MINDY2: variants seen among roughly 807,000 people sequenced by gnomAD.
MINDY2 encodes the protein MINDY lysine 48 deubiquitinase 2, also known as ubiquitin carboxyl-terminal hydrolase MINDY-2.
In MINDY2, 52 loss-of-function variants were observed where a neutral mutation model predicts 68.2. The observed-to-expected ratio is 0.76, with a 90% CI of 0.61 to 0.96. The LOEUF (loss-of-function observed/expected upper bound fraction) is 0.96. Among genes scored for constraint, MINDY2 ranks in the 40% least tolerant of loss-of-function variants. MINDY2 has a pLI of 0.00. For missense variants in MINDY2, 881 were observed against 773.4 expected (o/e 1.14, Z -1.65); for synonymous variants, 372 against 303.0 (o/e 1.23, Z -2.36).
intron 2 of MINDY2, among the ~76,000 whole-genome samples, chr15:58,793,588 C>A (rs1188513890): frequency 6.6e-6 from 1 of 151,968 alleles, no homozygotes; most frequent in Non-Finnish European, 1.5e-5. Flanking sequence ...GTGGATTATA[C>A]CTCAAAGCCA....
At chr15:58,786,416 G>T (rs1901503668) in intron 1 of MINDY2, among the ~76,000 whole-genome samples, 1 of 152,172 alleles carries the variant, frequency 6.6e-6, no homozygotes, top group African/African-American at 2.4e-5. Flanking sequence ...ATCCTGGAAT[G>T]TGCTCGTCAC....
rs373444154 is a variant in MINDY2 at position 58,771,712 on chromosome 15, A to G, written c.317A>G (p.Tyr106Cys). The G allele has an allele frequency of 1.9e-6, 3 of 1,612,320 alleles. No individual in the cohort carries two copies. Among genetic ancestry groups the G allele is most frequent in the Non-Finnish European group, 2.5e-6 (3 of 1,179,782 alleles). ...GCCGAGGCGCCTCTGAGAGGGCAGT[A>G]CAAGGTGACCGCCTCCCCGGAGACA... ...AAAEAPLRGQ[Y>C]KVTASPETAV... The change falls in exon 1 of 9, where the codon TAC (tyrosine) becomes TGC (cysteine). Residue 106 changes from tyrosine to cysteine, a missense_variant. Coordinates refer to ENST00000559228, the MANE Select transcript of MINDY2 (RefSeq NM_001040450.3).
chr15:58,821,272 A>G (rs1325767463), intron 4 of MINDY2, among the ~76,000 whole-genome samples: 2 of 151,738 alleles, frequency 1.3e-5, no homozygotes, highest in African/African-American at 4.8e-5. Flanking sequence ...TATTAATCCT[A>G]TAAATTAACA....
intron 2 of MINDY2, among the ~76,000 whole-genome samples, chr15:58,795,178 A>C (rs887476831): frequency 6.7e-6 from 1 of 149,892 alleles, no homozygotes; most frequent in East Asian, 2.1e-4. Context: ...TCGTCTCCAA[A>C]AAATAAATAA....
rs1416271849 is a variant in MINDY2 at position 58,856,033 on chromosome 15, T to G, written c.*1423T>G. On this transcript the variant is annotated 3_prime_UTR_variant, in exon 9 of 9. Transcript: ENST00000559228. ...CATAGTGTTTATAAGAACTCAGAAATAATATTTATTTAACTTTATTATGAG... is the reference window on the plus strand; with the variant it reads ...CATAGTGTTTATAAGAACTCAGAAAGAATATTTATTTAACTTTATTATGAG... The G allele has an allele frequency of 6.6e-6, 1 of 152,642 alleles. No homozygotes were observed. The highest frequency in any genetic ancestry group is 1.9e-4 in the East Asian group (1 of 5,204). The allele number at this position is 152,642 out of a possible 1,614,324, so 9.5% of individuals were successfully genotyped here. A position where few individuals can be genotyped will look rare whatever the true frequency, so the allele number is the denominator to read the frequency against.
chr15:58,817,490 C>G (rs1212582395), intron 4 of MINDY2, among the ~76,000 whole-genome samples: 1 of 152,164 alleles, frequency 6.6e-6, no homozygotes, highest in Admixed American at 6.5e-5. Context: ...CTTTGGGAGG[C>G]CAAGGCAGGT....
At chr15:58,811,810 T>A (rs1355958465) in intron 4 of MINDY2, among the ~76,000 whole-genome samples, 2 of 152,166 alleles carry the variant, frequency 1.3e-5, no homozygotes, top group African/African-American at 4.8e-5. Flanking sequence ...GGAGAGTCAA[T>A]TGGAAGGGTG....
At chr15:58,797,748 C>G (rs983972904) in intron 2 of MINDY2, among the ~76,000 whole-genome samples, 52 of 152,290 alleles carry the variant, frequency 3.4e-4, no homozygotes, top group African/African-American at 1.3e-3. Context: ...CACTAGCACT[C>G]TACTTGACTT....
At chr15:58,789,304 C>G (rs1234330637) in intron 2 of MINDY2, among the ~76,000 whole-genome samples, 1 of 152,196 alleles carries the variant, frequency 6.6e-6, no homozygotes, top group African/African-American at 2.4e-5. Context: ...CACCACTGCA[C>G]TCCAGCCTGG....
chr15:58,853,798 C>T (rs1319841234), intron 8 of MINDY2, among the ~76,000 whole-genome samples: 1 of 112,992 alleles, frequency 8.9e-6, no homozygotes, highest in Non-Finnish European at 1.7e-5. Context: ...TCCAGCCTAA[C>T]AGAGTGAGAC....
In MINDY2 at chr15:58,790,706, G is replaced by C. The variant is rs568890728; in HGVS notation, c.898+2743G>C. Reference sequence around the variant, plus strand: ...AAGAAGTGGTTAGATACTGGATACAGAGTTGACAGAATTTGCTGATCAGTT... The same window carrying C: ...AAGAAGTGGTTAGATACTGGATACACAGTTGACAGAATTTGCTGATCAGTT... On this transcript the variant is annotated intron_variant, in intron 2 of 8. Coordinates refer to ENST00000559228, the MANE Select transcript of MINDY2 (RefSeq NM_001040450.3). Among the ~76,000 whole-genome samples, 3 of 152,260 alleles carry C rather than the reference G, an allele frequency of 2.0e-5. No homozygotes were observed. In the East Asian group the frequency reaches 5.8e-4, roughly 29 times the overall value.
chr15:58,848,779 T>C (rs941260602), intron 7 of MINDY2, among the ~76,000 whole-genome samples: 3 of 152,140 alleles, frequency 2.0e-5, no homozygotes, highest in Admixed American at 6.5e-5. Context: ...TTCAAACAAA[T>C]ATGCATCTTT....
intron 6 of MINDY2, among the ~76,000 whole-genome samples, chr15:58,842,637 A>C (rs970715514): frequency 3.9e-5 from 6 of 152,222 alleles, no homozygotes; most frequent in Non-Finnish European, 8.8e-5. Context: ...TTTCTCTTAA[A>C]TAGGAGATAG....
At chr15:58,808,673 T>C (rs1206534164) in intron 3 of MINDY2, among the ~76,000 whole-genome samples, 11 of 152,268 alleles carry the variant, frequency 7.2e-5, no homozygotes, top group Middle Eastern at 6.8e-3. Flanking sequence ...GGCACAATCT[T>C]GGCTCACTGC....
chr15:58,795,707 C>T (rs1470958577), intron 2 of MINDY2, among the ~76,000 whole-genome samples: 2 of 152,102 alleles, frequency 1.3e-5, no homozygotes, highest in Non-Finnish European at 1.5e-5. Flanking sequence ...CCCAGCCTAT[C>T]GTATGTGTTT....
At chr15:58,837,780 A>G (rs376940442) in intron 6 of MINDY2, among the ~76,000 whole-genome samples, 1 of 151,976 alleles carries the variant, frequency 6.6e-6, no homozygotes, top group East Asian at 2.0e-4. Flanking sequence ...AGCATGGACA[A>G]TGAAGTAAGA....
intron 4 of MINDY2, among the ~76,000 whole-genome samples, chr15:58,813,848 T>C (rs1283516400): frequency 6.6e-6 from 1 of 152,254 alleles, no homozygotes; most frequent in East Asian, 1.9e-4. Flanking sequence ...CTCTGCATCT[T>C]CATCAGCACT....
chr15:58,778,709 C>G (rs201346518), intron 1 of MINDY2, among the ~76,000 whole-genome samples: 2 of 151,832 alleles, frequency 1.3e-5, no homozygotes, highest in African/African-American at 4.8e-5. Context: ...TCCGAATAGC[C>G]TCGACCTCCC....
At chr15:58,796,764 C>A (rs1365440137) in intron 2 of MINDY2, among the ~76,000 whole-genome samples, 1 of 152,208 alleles carries the variant, frequency 6.6e-6, no homozygotes, top group Non-Finnish European at 1.5e-5. Flanking sequence ...CTCAAGTGAT[C>A]CACCTGCCTT....
Sources: gnomAD v4.1 joint callset for allele counts (sites outside exome capture counted in the v4.1 genomes callset) on GRCh38, gnomAD v4.1.1 for gene constraint, MANE v1.5 for transcripts, NCBI Gene and HGNC (gene_info 2026-07-23, HGNC 2026-07-21) for gene names.